ATP9B: variants seen among roughly 807,000 people sequenced by gnomAD.
ATP9B encodes ATPase phospholipid transporting 9B, also known as probable phospholipid-transporting ATPase IIB.
A neutral mutation model predicts 146.1 loss-of-function variants in ATP9B; 110 were observed. That is an observed-to-expected ratio of 0.75 (90% CI 0.65 to 0.88). The LOEUF is 0.88. ATP9B is among the 40% of genes least tolerant of loss of function. The pLI, the probability that ATP9B is intolerant of heterozygous loss-of-function variation, is 0.00. For synonymous variants in ATP9B, 604 were observed against 569.7 expected, an observed-to-expected ratio of 1.06 and a Z score of -0.86; for missense variants, 1,499 against 1,496.4, an observed-to-expected ratio of 1.00 and a Z score of -0.03.
chr18:79,252,944 CAG>C (rs1394663913), intron 11 of ATP9B, among the ~76,000 whole-genome samples: 6 of 152,216 alleles, frequency 3.9e-5, no homozygotes, highest in African/African-American at 1.4e-4. Flanking sequence ...ACACGGATAA[CAG>C]AGGCATGGTC....
In ATP9B at chr18:79,346,083, G is replaced by A. The variant is rs113224580; in HGVS notation, c.2682+244G>A. On this transcript the variant is annotated intron_variant, in intron 23 of 29. Coordinates refer to ENST00000426216, the MANE Select transcript of ATP9B (RefSeq NM_198531.5). ...CGGCGCACGTCAGCACATGCTCAGCGCACAGCACACACTCGGCACACGGTC... is the reference window on the plus strand; with the variant it reads ...CGGCGCACGTCAGCACATGCTCAGCACACAGCACACACTCGGCACACGGTC... 7.0e-3 allele frequency among the ~76,000 whole-genome samples: 984 copies of A among 140,440 alleles called. 5 individuals carry two copies. The highest frequency in any genetic ancestry group is 0.025 in the African/African-American group (921 of 37,074). 92.1% of individuals were successfully genotyped at this position (140,440 alleles called of 152,430 possible). A position where few individuals can be genotyped will look rare whatever the true frequency, so the allele number is the denominator to read the frequency against.
intron 4 of ATP9B, chr18:79,117,552 G>A (rs891250351): frequency 1.3e-5 from 2 of 152,212 alleles, no homozygotes; most frequent in Non-Finnish European, 2.9e-5. Flanking sequence ...ATGCTCCAGG[G>A]TGGGAGGAGG....
chr18:79,364,460 T>C lies in ATP9B; in HGVS notation c.3012+4998T>C, dbSNP rs376635993. ...TGTGTCAGATGATCTTTGGCAAACA[T>C]GAGAGGAAATCAGAAGGAGAAGAGT... On this transcript the variant is annotated intron_variant, in intron 26 of 29. Transcript: ENST00000426216. Among the ~76,000 whole-genome samples, 16 of 152,074 alleles carry C rather than the reference T, an allele frequency of 1.1e-4. No individual in the cohort carries two copies. The East Asian group carries it at 1.4e-3, about 13-fold the overall frequency.
chr18:79,354,651 A>G (rs1031886043), intron 25 of ATP9B: 2 of 146,438 alleles, frequency 1.4e-5, no homozygotes, highest in African/African-American at 2.6e-5. Context: ...GGTGAGGTAG[A>G]TGGGTTCCTC....
chr18:79,350,942 T>C (rs901651046), intron 25 of ATP9B, among the ~76,000 whole-genome samples: 4 of 152,092 alleles, frequency 2.6e-5, no homozygotes, highest in African/African-American at 9.7e-5. Context: ...CTAATTTTTG[T>C]ATATTTTTAG....
At position 79,096,589 on chromosome 18, in the gene ATP9B, T is replaced by C. The variant is rs967224424; in HGVS notation, c.233T>C (p.Met78Thr). 3.1e-6 allele frequency: 5 copies of C among 1,614,062 alleles called. No individual in the cohort carries two copies. Among genetic ancestry groups the C allele is most frequent in the Non-Finnish European group, 3.4e-6 (4 of 1,179,986 alleles). ...DYHTLPRARI[M>T]QRKRGLEWFV... ...CACACCTTACCACGAGCCAGGATAA[T>C]GCAAAGGAAAAGAGGACTGGAGTGG... Residue 78 changes from methionine to threonine, a missense_variant, in exon 2 of 30, where the codon ATG becomes ACG. Coordinates refer to ENST00000426216, the MANE Select transcript of ATP9B (RefSeq NM_198531.5).
At chr18:79,235,809 A>C (rs2095836647) in intron 11 of ATP9B, among the ~76,000 whole-genome samples, 1 of 151,372 alleles carries the variant, frequency 6.6e-6, no homozygotes, top group Admixed American at 6.6e-5. Flanking sequence ...GCATATGTGA[A>C]GTTTCCCATC....
intron 1 of ATP9B, among the ~76,000 whole-genome samples, chr18:79,080,636 G>A (rs2073147349): frequency 6.6e-6 from 1 of 152,130 alleles, no homozygotes; most frequent in African/African-American, 2.4e-5. Context: ...TGATTGCCCT[G>A]TCCAGGACTT....
intron 2 of ATP9B, among the ~76,000 whole-genome samples, chr18:79,097,498 ATTT>A (rs1268067759): frequency 1.5e-5 from 2 of 137,262 alleles, no homozygotes; most frequent in Non-Finnish European, 3.2e-5. Context: ...TTATTTTTTT[ATTT>A]TTTATTTGTT....
chr18:79,337,057 G>A (rs1260867214), intron 18 of ATP9B, among the ~76,000 whole-genome samples: 1 of 152,150 alleles, frequency 6.6e-6, no homozygotes, highest in East Asian at 1.9e-4. Flanking sequence ...GTCCAGCTCT[G>A]TGGAGTACAC....
At position 79,246,314 on chromosome 18, in the gene ATP9B, A is replaced by ACT. The variant is rs535798455; in HGVS notation, c.1108-7066_1108-7065dup. The stretch of plus-strand genomic sequence containing the variant: ...CTGTGCGGAGGGCACCGCCCTACTG[A>ACT]CTGAGGAGGGCACCGCCCTACTGAC... On this transcript the variant is annotated intron_variant, in intron 11 of 29. Coordinates refer to ENST00000426216, the MANE Select transcript of ATP9B (RefSeq NM_198531.5). Among the ~76,000 whole-genome samples, 3 of 120,418 alleles carry ACT rather than the reference A, an allele frequency of 2.5e-5. 1 individual carries two copies. In the South Asian group the frequency reaches 8.8e-4, roughly 35 times the overall value. The allele number at this position is 120,418 out of a possible 152,430, so 79.0% of individuals were successfully genotyped here.
chr18:79,133,907 G>A (rs1433074282), intron 5 of ATP9B, among the ~76,000 whole-genome samples: 1 of 152,218 alleles, frequency 6.6e-6, no homozygotes, highest in Non-Finnish European at 1.5e-5. Context: ...CTCCAGCTCT[G>A]ACTCCAGCTG....
rs191862067 is a variant in ATP9B at position 79,290,766 on chromosome 18, C to G, written c.1412-12838C>G. Among the ~76,000 whole-genome samples, 417 of 152,356 alleles carry G rather than the reference C, an allele frequency of 2.7e-3. 2 individuals are homozygous for G. The highest frequency in any genetic ancestry group is 5.4e-3 in the Admixed American group (82 of 15,302). On this transcript the variant is annotated intron_variant, in intron 13 of 29. Transcript: ENST00000426216. ...CTATTCGGCTGTCTTGGCTGCCCCC[C>G]TTCCATTTCTTGTAAGGTCTAAGTA... is the stretch of plus-strand genomic sequence containing the variant.
At chr18:79,076,243 T>C (rs2072600150) in intron 1 of ATP9B, among the ~76,000 whole-genome samples, 1 of 152,234 alleles carries the variant, frequency 6.6e-6, no homozygotes, top group Admixed American at 6.5e-5. Context: ...TCATCTACCC[T>C]TTCTGCCCTT....
rs1292200884 is a variant in ATP9B, at chr18:79,344,300, T to A, written c.2418T>A (p.Asn806Lys). The change falls in exon 21 of 30, where the codon AAT (asparagine) becomes AAA (lysine). Residue 806 changes from asparagine (N) to lysine (K), a missense_variant. Coordinates refer to ENST00000426216, the MANE Select transcript of ATP9B (RefSeq NM_198531.5). ...GGGGAGAGGCACATTTGGAGCTGAA[T>A]GCATTTCGAAGGAAGCATGATTGTG... ...TSRGEAHLELNAFRRKHDCAL... is the reference protein window; with the variant it reads ...TSRGEAHLELKAFRRKHDCAL... 1.2e-6 allele frequency: 2 copies of A among 1,614,120 alleles called. No homozygotes were observed. Among genetic ancestry groups the A allele is most frequent in the African/African-American group, 2.7e-5 (2 of 74,954 alleles).
intron 26 of ATP9B, chr18:79,362,701 GTTA>G (rs942401463): frequency 6.6e-6 from 1 of 152,236 alleles, no homozygotes; most frequent in Non-Finnish European, 1.5e-5. Context: ...GGTGACCCTG[GTTA>G]AGTGAGCCAG....
intron 11 of ATP9B, among the ~76,000 whole-genome samples, chr18:79,225,455 A>G (rs1469345984): frequency 6.6e-6 from 1 of 152,264 alleles, no homozygotes; most frequent in African/African-American, 2.4e-5. Context: ...GCAGTAATCA[A>G]CATTCATGCA....
At chr18:79,317,404 T>C (rs1223331818) in intron 15 of ATP9B, among the ~76,000 whole-genome samples, 1 of 152,206 alleles carries the variant, frequency 6.6e-6, no homozygotes, top group South Asian at 2.1e-4. Flanking sequence ...ACTTACCTGA[T>C]AAGTGACTAG....
At chr18:79,072,735 C>T (rs7232218) in intron 1 of ATP9B, among the ~76,000 whole-genome samples, 4 of 86,810 alleles carry the variant, frequency 4.6e-5, no homozygotes, top group South Asian at 5.3e-4. Context: ...GGCTGCTGGG[C>T]GGGGGCGCCC....
Sources: gnomAD v4.1 joint callset for allele counts (sites outside exome capture counted in the v4.1 genomes callset) on GRCh38, gnomAD v4.1.1 for gene constraint, MANE v1.5 for transcripts, NCBI Gene and HGNC (gene_info 2026-07-23, HGNC 2026-07-21) for gene names.